SORCS1: variants seen among roughly 807,000 people sequenced by gnomAD.
SORCS1 encodes the protein VPS10 domain-containing receptor SorCS1.
Under a neutral mutation model 146.1 loss-of-function variants are expected in SORCS1, and 60 were observed. That is an observed-to-expected ratio of 0.41 (90% CI 0.33 to 0.51). The LOEUF is 0.51. SORCS1 is among the 20% of genes least tolerant of loss of function. SORCS1 has a pLI of 0.21. For missense variants in SORCS1, 1,352 were observed against 1,487.6 expected (o/e 0.91, Z 1.50); for synonymous variants, 637 against 584.0 (o/e 1.09, Z -1.31).
intron 1 of SORCS1, among the ~76,000 whole-genome samples, chr10:107,035,905 A>G (rs1485570693): frequency 1.3e-5 from 2 of 149,052 alleles, no homozygotes; most frequent in Non-Finnish European, 3.0e-5. Context: ...ATTACAAACA[A>G]TATATAAAAA....
intron 19 of SORCS1, 32 bp from the exon 20 acceptor site, chr10:106,620,593 G>A: frequency 6.2e-7 from 1 of 1,607,812 alleles, no homozygotes; most frequent in Non-Finnish European, 8.5e-7. Flanking sequence ...GGCCATGGAT[G>A]GGGAAGAGCT....
At chr10:106,900,001 T>A (rs1951642547) in intron 2 of SORCS1, among the ~76,000 whole-genome samples, 1 of 152,128 alleles carries the variant, frequency 6.6e-6, no homozygotes, top group Admixed American at 6.5e-5. Context: ...TGTCCATCTC[T>A]TCCTTCTCTG....
At chr10:106,942,299 C>T (rs1043134459) in intron 2 of SORCS1, among the ~76,000 whole-genome samples, 4 of 152,268 alleles carry the variant, frequency 2.6e-5, no homozygotes, top group African/African-American at 4.8e-5. Context: ...CTCCCACCTC[C>T]GGCTTCCCTT....
intron 2 of SORCS1, among the ~76,000 whole-genome samples, chr10:106,936,767 A>G (rs992568544): frequency 2.6e-5 from 4 of 152,182 alleles, no homozygotes; most frequent in Admixed American, 2.0e-4. Flanking sequence ...AACTGCAAAG[A>G]CTGCTCTTGA....
intron 6 of SORCS1, among the ~76,000 whole-genome samples, chr10:106,714,656 C>T (rs1270107791): frequency 6.6e-6 from 1 of 151,948 alleles, no homozygotes; most frequent in Non-Finnish European, 1.5e-5. Context: ...TATGTTTGCA[C>T]AGGAAAAATA....
intron 1 of SORCS1, among the ~76,000 whole-genome samples, chr10:107,106,579 G>A (rs1382980765): frequency 6.6e-6 from 1 of 152,126 alleles, no homozygotes; most frequent in Non-Finnish European, 1.5e-5. Flanking sequence ...GATGGCTTTT[G>A]TAGAATCACC....
intron 19 of SORCS1, among the ~76,000 whole-genome samples, chr10:106,627,885 C>G (rs906375166): frequency 1.3e-5 from 2 of 152,216 alleles, no homozygotes; most frequent in African/African-American, 4.8e-5. Context: ...GAGTCTGAAG[C>G]ATGGTTCTGC....
At chr10:106,827,997 G>GA (rs954469490) in intron 3 of SORCS1, among the ~76,000 whole-genome samples, 1 of 152,138 alleles carries the variant, frequency 6.6e-6, no homozygotes, top group Non-Finnish European at 1.5e-5. Flanking sequence ...ACTTCAGCAA[G>GA]AAAAAAGAAT....
At chr10:107,084,079 TTTG>T (rs1297750762) in intron 1 of SORCS1, among the ~76,000 whole-genome samples, 6 of 147,508 alleles carry the variant, frequency 4.1e-5, no homozygotes, top group African/African-American at 1.5e-4. Flanking sequence ...GTGGGTTATT[TTTG>T]TTGTTTTTTG....
chr10:106,984,998 A>G (rs866799841), intron 1 of SORCS1, among the ~76,000 whole-genome samples: 55 of 152,066 alleles, frequency 3.6e-4, no homozygotes, highest in Middle Eastern at 3.4e-3. Flanking sequence ...CATCAGCCTG[A>G]CCAACACGGT....
chr10:106,912,301 GAAACA>G (rs1289404831), intron 2 of SORCS1, among the ~76,000 whole-genome samples: 5 of 147,356 alleles, frequency 3.4e-5, no homozygotes, highest in African/African-American at 1.3e-4. Context: ...AACTGAACAT[GAAACA>G]AAACAAAACG....
rs1317643870 is a variant in SORCS1 at position 106,574,943 on chromosome 10, A to G, written c.*2477T>C. 2.6e-5 allele frequency: 4 copies of G among 152,532 alleles called. No individual in the cohort carries two copies. Among genetic ancestry groups the G allele is most frequent in the Non-Finnish European group, 5.9e-5 (4 of 68,032 alleles). 9.4% of individuals were successfully genotyped at this position (152,532 alleles called of 1,614,324 possible). A position where few individuals can be genotyped will look rare whatever the true frequency, so the allele number is the denominator to read the frequency against. On this transcript the variant is annotated 3_prime_UTR_variant, in exon 26 of 26. Coordinates refer to ENST00000263054, the MANE Select transcript of SORCS1 (RefSeq NM_052918.5). ...TAGGATTTACAGCCCATTCTTCCCT[A>G]TGTCTTTCCATTCATTTATTTCTTC...
chr10:106,987,412 C>T (rs1161897467), intron 1 of SORCS1, among the ~76,000 whole-genome samples: 1 of 152,182 alleles, frequency 6.6e-6, no homozygotes, highest in Non-Finnish European at 1.5e-5. Context: ...CAGGAATCAG[C>T]AAGTATTTCA....
intron 1 of SORCS1, among the ~76,000 whole-genome samples, chr10:106,962,413 AAAG>A (rs1955274213): frequency 6.7e-6 from 1 of 150,026 alleles, no homozygotes; most frequent in Non-Finnish European, 1.5e-5. Flanking sequence ...AAAAAAAAAA[AAAG>A]AAAGAAAAGA....
intron 15 of SORCS1, 46 bp downstream of exon 15, chr10:106,672,822 C>A (rs773023692): frequency 6.5e-7 from 1 of 1,537,284 alleles, no homozygotes. Flanking sequence ...CCCAACACCA[C>A]TCATGCTTCC....
At chr10:107,076,599 G>T (rs893763099) in intron 1 of SORCS1, among the ~76,000 whole-genome samples, 8 of 152,138 alleles carry the variant, frequency 5.3e-5, no homozygotes, top group African/African-American at 1.9e-4. Context: ...TATTCACATG[G>T]TTCATTAGCA....
intron 2 of SORCS1, among the ~76,000 whole-genome samples, chr10:106,868,332 T>C (rs117497294): frequency 0.019 from 2,836 of 152,256 alleles, 49 homozygotes; most frequent in South Asian, 0.071. Context: ...GAACTCAATA[T>C]TGTACCAAAT....
At chr10:106,902,838 G>C (rs576194134) in intron 2 of SORCS1, among the ~76,000 whole-genome samples, 195 of 152,310 alleles carry the variant, frequency 1.3e-3, no homozygotes, top group Non-Finnish European at 2.6e-3. Flanking sequence ...CAGCACTTTG[G>C]GAGGCCAAGG....
intron 1 of SORCS1, among the ~76,000 whole-genome samples, chr10:107,007,011 T>G (rs1030018513): frequency 1.3e-5 from 2 of 152,236 alleles, no homozygotes; most frequent in African/African-American, 2.4e-5. Flanking sequence ...TCATTTCCCT[T>G]GTATCTCCAT....
Sources: gnomAD v4.1 joint callset for allele counts (sites outside exome capture counted in the v4.1 genomes callset) on GRCh38, gnomAD v4.1.1 for gene constraint, MANE v1.5 for transcripts, NCBI Gene and HGNC (gene_info 2026-07-23, HGNC 2026-07-21) for gene names.